Variants in MIGA1 observed in about 807,000 individuals in gnomAD.
MIGA1 encodes family with sequence similarity 73, member A.
MIGA1 carries 58 observed loss-of-function variants against 82.0 expected under a neutral mutation model. The observed-to-expected ratio is 0.71, with a 90% CI of 0.57 to 0.88. The LOEUF (loss-of-function observed/expected upper bound fraction) is 0.88, where lower values mean the gene tolerates loss of function less well. Among genes scored for constraint, MIGA1 ranks in the 40% least tolerant of loss-of-function variants. The pLI, the probability that MIGA1 is intolerant of heterozygous loss-of-function variation, is 0.00. For missense variants in MIGA1, 751 were observed against 749.1 expected, an observed-to-expected ratio of 1.00 and a Z score of -0.03; for synonymous variants, 249 against 253.6, an observed-to-expected ratio of 0.98 and a Z score of 0.17.
At chr1:77,869,452 G>C (rs573648749) in intron 14 of MIGA1, among the ~76,000 whole-genome samples, 1 of 143,318 alleles carries the variant, frequency 7.0e-6, no homozygotes, top group Admixed American at 6.9e-5. Context: ...CCAATGAGCC[G>C]CTGGGCACAC....
At chr1:77,859,969 G>A in intron 10 of MIGA1, 71 bp from the exon 11 acceptor site, 1 of 926,594 alleles carries the variant, frequency 1.1e-6, no homozygotes, top group African/African-American at 1.7e-5. Context: ...GATTATTTGT[G>A]CTATTAAGTT....
intron 7 of MIGA1, among the ~76,000 whole-genome samples, chr1:77,830,867 A>G (rs1684216763): frequency 1.3e-5 from 2 of 152,234 alleles, no homozygotes; most frequent in Non-Finnish European, 2.9e-5. Context: ...ACTTAAACAC[A>G]ACTCTGAAGC....
At chr1:77,795,786 T>G (rs1488021163) in intron 2 of MIGA1, among the ~76,000 whole-genome samples, 1 of 151,720 alleles carries the variant, frequency 6.6e-6, no homozygotes, top group South Asian at 2.1e-4. Context: ...TGCGCCACCA[T>G]GCCTGGCTAA....
In MIGA1 at chr1:77,875,374, G is replaced by T. The variant is rs193112473; in HGVS notation, c.*310G>T. The T allele has an allele frequency of 4.8e-5, 12 of 250,590 alleles. No homozygotes were observed. The highest frequency in any genetic ancestry group is 2.0e-4 in the African/African-American group (9 of 44,030). The allele number at this position is 250,590 out of a possible 1,614,324, so 15.5% of individuals were successfully genotyped here. A position where few individuals can be genotyped will look rare whatever the true frequency, so the allele number is the denominator to read the frequency against. ...GAGTTAATTGGTTTGTCTTCTTGAA[G>T]CTGTCATTCTCAAAAGCTCTGTTTT... On this transcript the variant is annotated 3_prime_UTR_variant, in exon 16 of 16. Transcript: ENST00000370791.
intron 5 of MIGA1, chr1:77,811,729 C>T (rs1307288413): frequency 2.5e-6 from 4 of 1,611,284 alleles, no homozygotes; most frequent in Non-Finnish European, 3.4e-6. Context: ...GTCGGCGCCT[C>T]TCCTAAAACT....
chr1:77,811,458 G>C, intron 5 of MIGA1: 1 of 1,542,074 alleles, frequency 6.5e-7, no homozygotes, highest in Non-Finnish European at 9.0e-7. Flanking sequence ...CATCAAATGG[G>C]AATTCTTTAT....
intron 7 of MIGA1, among the ~76,000 whole-genome samples, chr1:77,840,794 G>A (rs1269814705): frequency 6.6e-6 from 1 of 151,866 alleles, no homozygotes; most frequent in Non-Finnish European, 1.5e-5. Flanking sequence ...CCTAGGCAAC[G>A]AGCAAAATTC....
rs1646881521 is a variant in MIGA1, at chr1:77,874,833, G to A, written c.1681-13G>A. On this transcript the variant is annotated splice_polypyrimidine_tract_variant and intron_variant, in intron 15 of 15. Coordinates refer to ENST00000370791, the MANE Select transcript of MIGA1 (RefSeq NM_198549.4). ...TTTGGTCTAATAAATGCCAATTTATGTTCATTTTCCAGAATCAAGTTCTTT... is the reference window on the plus strand; with the variant it reads ...TTTGGTCTAATAAATGCCAATTTATATTCATTTTCCAGAATCAAGTTCTTT... The A allele has an allele frequency of 6.3e-7, 1 of 1,599,822 alleles. No homozygotes were observed. The highest frequency in any genetic ancestry group is 8.6e-7 in the Non-Finnish European group (1 of 1,168,910).
chr1:77,834,813 CT>C (rs1684368741), intron 7 of MIGA1, among the ~76,000 whole-genome samples: 1 of 152,164 alleles, frequency 6.6e-6, no homozygotes, highest in Non-Finnish European at 1.5e-5. Flanking sequence ...ACAGCAGAAG[CT>C]TTTCCATTGT....
Position 77,801,318 on chromosome 1 carries a change from G to T in MIGA1, c.196-13G>T. Reference sequence around the variant, plus strand: ...AAAGAGATTTTTTTCAATTTTAACTGAATCTTTTCCAGATCAAATTTTCTC... The same window carrying T: ...AAAGAGATTTTTTTCAATTTTAACTTAATCTTTTCCAGATCAAATTTTCTC... On this transcript the variant is annotated splice_polypyrimidine_tract_variant and intron_variant, in intron 2 of 15. Transcript: ENST00000370791. The T allele has an allele frequency of 6.5e-7, 1 of 1,530,080 alleles. No homozygotes were observed. Among genetic ancestry groups the T allele is most frequent in the Non-Finnish European group, 8.7e-7 (1 of 1,148,706 alleles). The allele number at this position is 1,530,080 out of a possible 1,614,324, so 94.8% of individuals were successfully genotyped here.
chr1:77,824,336 G>C (rs1379973965), intron 7 of MIGA1, among the ~76,000 whole-genome samples: 1 of 152,160 alleles, frequency 6.6e-6, no homozygotes, highest in East Asian at 1.9e-4. Flanking sequence ...TGAGGCAGGA[G>C]GGTTGCTTGA....
chr1:77,799,820 A>G lies in MIGA1; in HGVS notation c.196-1511A>G, dbSNP rs574274578. ...GTGTCATTCTTGCTTTTTTTTCTTA[A>G]TAAGACTGGCTAGAGGTTTTATTAG... On this transcript the variant is annotated intron_variant, in intron 2 of 15. Transcript: ENST00000370791. 1.3e-4 allele frequency among the ~76,000 whole-genome samples: 20 copies of G among 148,536 alleles called. No individual in the cohort carries two copies. In the South Asian group the frequency reaches 2.3e-3, roughly 17 times the overall value.
chr1:77,867,325 G>A (rs1685707824), intron 14 of MIGA1, among the ~76,000 whole-genome samples: 1 of 152,074 alleles, frequency 6.6e-6, no homozygotes, highest in Non-Finnish European at 1.5e-5. Flanking sequence ...CTACCTCATA[G>A]TGTTTTGTTT....
intron 1 of MIGA1, among the ~76,000 whole-genome samples, chr1:77,780,490 G>A (rs1475668962): frequency 1.3e-5 from 2 of 152,156 alleles, no homozygotes; most frequent in Non-Finnish European, 2.9e-5. Context: ...AGGTTATATA[G>A]ATTTGTGCTT....
At chr1:77,796,359 C>G (rs866379738) in intron 2 of MIGA1, among the ~76,000 whole-genome samples, 14 of 151,968 alleles carry the variant, frequency 9.2e-5, no homozygotes, top group Admixed American at 7.9e-4. Context: ...ACCTCGTGAT[C>G]CACCCGCCTT....
intron 8 of MIGA1, chr1:77,847,862 C>T (rs55775281): frequency 1.3e-6 from 2 of 1,599,672 alleles, no homozygotes; most frequent in Non-Finnish European, 8.6e-7. Flanking sequence ...TAGAGGAAAA[C>T]CCAGATGCAG....
chr1:77,851,469 A>AT (rs1440305208), intron 8 of MIGA1, among the ~76,000 whole-genome samples: 4 of 152,076 alleles, frequency 2.6e-5, no homozygotes, highest in Non-Finnish European at 5.9e-5. Flanking sequence ...TTAAATGTTA[A>AT]TTTTTTTCTA....
intron 2 of MIGA1, among the ~76,000 whole-genome samples, chr1:77,795,992 G>T (rs534717490): frequency 6.6e-6 from 1 of 152,022 alleles, no homozygotes; most frequent in Non-Finnish European, 1.5e-5. Flanking sequence ...TTATTCAGCA[G>T]TGAGACACCT....
chr1:77,846,829 C>G (rs1036100753), intron 8 of MIGA1, among the ~76,000 whole-genome samples: 9 of 152,040 alleles, frequency 5.9e-5, no homozygotes, highest in African/African-American at 2.2e-4. Context: ...CGCCTGTAGT[C>G]CCTGCTACTC....
Sources: gnomAD v4.1 joint callset for allele counts (sites outside exome capture counted in the v4.1 genomes callset) on GRCh38, gnomAD v4.1.1 for gene constraint, MANE v1.5 for transcripts, NCBI Gene and HGNC (gene_info 2026-07-23, HGNC 2026-07-21) for gene names.